ROR1: variants seen among roughly 807,000 people sequenced by gnomAD.
ROR1 encodes the protein ROR family WNT receptor 1.
Under a neutral mutation model 78.8 loss-of-function variants are expected in ROR1, and 19 were observed. The ratio of observed to expected loss-of-function variants is 0.24; its 90% CI spans 0.17 to 0.35. The LOEUF is 0.35. Among genes scored for constraint, ROR1 ranks in the 10% least tolerant of loss-of-function variants. ROR1 has a pLI of 1.00. For missense variants in ROR1, 917 were observed against 1,177.8 expected (o/e 0.78, Z 3.24); for synonymous variants, 386 against 433.6 (o/e 0.89, Z 1.36).
chr1:63,935,898 G>A (rs1645790295), intron 1 of ROR1, among the ~76,000 whole-genome samples: 1 of 152,218 alleles, frequency 6.6e-6, no homozygotes, highest in Non-Finnish European at 1.5e-5. Flanking sequence ...GATAAAAGGA[G>A]TTATTTATGA....
chr1:64,019,785 A>G (rs1646549614), intron 2 of ROR1, among the ~76,000 whole-genome samples: 1 of 152,220 alleles, frequency 6.6e-6, no homozygotes, highest in Non-Finnish European at 1.5e-5. Context: ...TATTTTGAAT[A>G]GTGACATCCT....
chr1:63,883,341 G>A (rs541124146), intron 1 of ROR1, among the ~76,000 whole-genome samples: 1 of 152,186 alleles, frequency 6.6e-6, no homozygotes, highest in Non-Finnish European at 1.5e-5. Flanking sequence ...TTCTTGACTT[G>A]CTGTGATGAC....
At chr1:63,979,459 G>C (rs1407077756) in intron 1 of ROR1, among the ~76,000 whole-genome samples, 1 of 152,180 alleles carries the variant, frequency 6.6e-6, no homozygotes, top group African/African-American at 2.4e-5. Context: ...AGTGAGACTG[G>C]AGCCATAGAA....
At chr1:63,877,521 T>C (rs943057574) in intron 1 of ROR1, among the ~76,000 whole-genome samples, 4 of 152,050 alleles carry the variant, frequency 2.6e-5, no homozygotes, top group African/African-American at 7.2e-5. Context: ...ATTTGTAAAA[T>C]TGTGGTAAAG....
intron 1 of ROR1, among the ~76,000 whole-genome samples, chr1:63,815,396 A>G (rs1644884509): frequency 6.6e-6 from 1 of 151,136 alleles, no homozygotes; most frequent in Non-Finnish European, 1.5e-5. Context: ...GTGGTGGACT[A>G]TAATTTTGTA....
chr1:63,970,927 A>T (rs1014038774), intron 1 of ROR1, among the ~76,000 whole-genome samples: 2 of 152,156 alleles, frequency 1.3e-5, no homozygotes, highest in African/African-American at 2.4e-5. Context: ...ACTCTAAAAA[A>T]TCTTTAGCTC....
chr1:63,812,136 A>G (rs564186905), intron 1 of ROR1, among the ~76,000 whole-genome samples: 1 of 151,874 alleles, frequency 6.6e-6, no homozygotes, highest in Non-Finnish European at 1.5e-5. Flanking sequence ...AATTTTTTGT[A>G]TCTTTAGTAG....
chr1:63,925,661 C>T lies in ROR1; in HGVS notation c.92-83644C>T, dbSNP rs934109386. Among the ~76,000 whole-genome samples the T allele has an allele frequency of 7.3e-4, 111 of 151,186 alleles. 3 individuals carry two copies. Among genetic ancestry groups the T allele is most frequent in the Admixed American group, 3.9e-4 (6 of 15,224 alleles). ...TAAAAGTTTTCCTATTTCTCCACAT[C>T]CTCTCCAGCACCTGTTGTTTCCTGA... On this transcript the variant is annotated intron_variant, in intron 1 of 8. Coordinates refer to ENST00000371079, the MANE Select transcript of ROR1 (RefSeq NM_005012.4).
At position 63,941,096 on chromosome 1, in the gene ROR1, G is replaced by T. The variant is rs149611928; in HGVS notation, c.92-68209G>T. Among the ~76,000 whole-genome samples, 80 of 152,318 alleles carry T rather than the reference G, an allele frequency of 5.3e-4. No homozygotes were observed. The East Asian group carries it at 0.013, about 26-fold the overall frequency. ...GTTCTAAGTTAAAGGAGACTAAAGA[G>T]ACATGGTCACTAAATGCAATGGGTA... On this transcript the variant is annotated intron_variant, in intron 1 of 8. Transcript: ENST00000371079.
At chr1:63,833,167 G>A (rs1427474561) in intron 1 of ROR1, among the ~76,000 whole-genome samples, 1 of 152,190 alleles carries the variant, frequency 6.6e-6, no homozygotes, top group Non-Finnish European at 1.5e-5. Flanking sequence ...CTGGCAGACA[G>A]CAGACACTCA....
At chr1:63,840,399 C>T (rs1035997512) in intron 1 of ROR1, among the ~76,000 whole-genome samples, 1 of 151,682 alleles carries the variant, frequency 6.6e-6, no homozygotes, top group South Asian at 2.1e-4. Flanking sequence ...CCTGCCTCAG[C>T]CTCCTGAGTA....
intron 2 of ROR1, 68 bp downstream of exon 2, chr1:64,009,444 CCTT>C: frequency 8.2e-7 from 1 of 1,222,920 alleles, no homozygotes; most frequent in Non-Finnish European, 1.2e-6. Flanking sequence ...CCTGGCATGA[CCTT>C]CTTTGAAATC....
At chr1:63,865,768 T>C (rs1016926349) in intron 1 of ROR1, among the ~76,000 whole-genome samples, 4 of 152,206 alleles carry the variant, frequency 2.6e-5, no homozygotes, top group African/African-American at 9.7e-5. Context: ...AAATATTTTA[T>C]TGGATTTGAT....
intron 1 of ROR1, among the ~76,000 whole-genome samples, chr1:64,006,759 C>T (rs1325025867): frequency 6.6e-6 from 1 of 152,142 alleles, no homozygotes; most frequent in Non-Finnish European, 1.5e-5. Flanking sequence ...ATGTGTGGTT[C>T]ATCTACTTCT....
At chr1:63,824,921 A>T (rs1300622026) in intron 1 of ROR1, among the ~76,000 whole-genome samples, 1 of 152,174 alleles carries the variant, frequency 6.6e-6, no homozygotes, top group African/African-American at 2.4e-5. Flanking sequence ...TTAATAATAT[A>T]TGGTAAATAT....
At chr1:63,813,657 G>A (rs1297051914) in intron 1 of ROR1, among the ~76,000 whole-genome samples, 3 of 152,220 alleles carry the variant, frequency 2.0e-5, no homozygotes, top group Non-Finnish European at 4.4e-5. Flanking sequence ...TTGCAGCTGA[G>A]TGAATGGCCC....
intron 1 of ROR1, among the ~76,000 whole-genome samples, chr1:63,790,207 A>T (rs1211185282): frequency 6.6e-6 from 1 of 152,182 alleles, no homozygotes; most frequent in East Asian, 1.9e-4. Flanking sequence ...TGCTCCTTAC[A>T]GTAGGGTCTG....
At chr1:63,781,582 T>C (rs1477432366) in intron 1 of ROR1, among the ~76,000 whole-genome samples, 2 of 152,142 alleles carry the variant, frequency 1.3e-5, no homozygotes, top group East Asian at 3.9e-4. Flanking sequence ...AAAAATGCTG[T>C]GGGAACATGG....
At position 64,143,708 on chromosome 1, in the gene ROR1, T is replaced by C. The variant is rs1649394604; in HGVS notation, c.1174+1058T>C. Among the ~76,000 whole-genome samples the C allele has an allele frequency of 2.0e-5, 3 of 151,930 alleles. No homozygotes were observed. In the South Asian group the frequency reaches 6.2e-4, roughly 32 times the overall value. ...GACGCCAGGGACCCTAAGGAGGGAG[T>C]AGGCATAGCACATCCACAAAGAAGC... On this transcript the variant is annotated intron_variant, in intron 7 of 8. Transcript: ENST00000371079.
Sources: allele counts gnomAD v4.1 joint callset (sites outside exome capture counted in the v4.1 genomes callset), GRCh38; gene constraint gnomAD v4.1.1; transcripts MANE v1.5; gene names NCBI Gene and HGNC (gene_info 2026-07-23, HGNC 2026-07-21).